Variants in SH3BP5 observed in about 807,000 individuals in gnomAD.
SH3BP5 encodes the protein SH3 domain-binding protein 5.
In SH3BP5, 22 loss-of-function variants were observed where a neutral mutation model predicts 43.3. The observed-to-expected ratio is 0.51, with a 90% CI of 0.36 to 0.73. The LOEUF is 0.73. SH3BP5 is among the 30% of genes least tolerant of loss of function. The pLI is 0.00. For synonymous variants in SH3BP5, 255 were observed against 225.8 expected (o/e 1.13, Z -1.16); for missense variants, 529 against 586.9 (o/e 0.90, Z 1.02).
At chr3:15,256,830 G>T (rs781150199) in intron 8 of SH3BP5, 23 bp downstream of exon 8, 4 of 1,588,860 alleles carry the variant, frequency 2.5e-6, no homozygotes, top group South Asian at 2.3e-5. Flanking sequence ...CATCTGGGAC[G>T]GGGTGAGAAG....
At position 15,256,063 on chromosome 3, in the gene SH3BP5, C is replaced by A. The variant is rs140402906; in HGVS notation, c.*23G>T. On this transcript the variant is annotated 3_prime_UTR_variant, in exon 9 of 9. Coordinates refer to ENST00000383791, the MANE Select transcript of SH3BP5 (RefSeq NM_004844.5). ...TTCCATGTATAAATGTTGATATGCA[C>A]ATCGGCCAGGGCCCAGGATGAATCA... 1 of 1,571,870 alleles carries A rather than the reference C, an allele frequency of 6.4e-7. No individual in the cohort carries two copies. The highest frequency in any genetic ancestry group is 8.7e-7 in the Non-Finnish European group (1 of 1,145,160).
Position 15,259,029 on chromosome 3 carries a change from C to T in SH3BP5, c.691G>A (p.Asp231Asn), listed in dbSNP as rs1451749536. 6.2e-7 allele frequency: 1 copy of T among 1,614,184 alleles called. No homozygotes were observed. Among genetic ancestry groups the T allele is most frequent in the East Asian group, 2.2e-5 (1 of 44,886 alleles). ...GCCAGGGTCAGTTTGGCCTGCAGGT[C>T]ATCCACAGTCTTTTTCAGTTGCTGA... ...QLEQLKKTVD[D>N]LQAKLTLAKG... The change falls in exon 7 of 9, where the codon GAC (aspartate) becomes AAC (asparagine). Residue 231 changes from aspartate (D) to asparagine (N), a missense_variant. By Grantham distance (23) the Asp-to-Asn change is conservative (BLOSUM62 1). Around this residue, in one of 3 missense-constraint regions of SH3BP5, gnomAD observed 369 missense variants for 384.3 expected, o/e 0.96. Coordinates refer to ENST00000383791, the MANE Select transcript of SH3BP5 (RefSeq NM_004844.5).
rs199993686 is a variant in SH3BP5 at position 15,304,213 on chromosome 3, G to A, written c.220C>T (p.Arg74Cys). ...ACCGTTGCTTCAACCAGAACAGAGC[G>A]GAACTTCTGACGAGCATCCTGCAGC... ...TELEDARQKF[R>C]SVLVEATVKL... The change falls in exon 3 of 9, where the codon CGC becomes TGC. Residue 74 changes from arginine to cysteine, a missense_variant. By Grantham distance (180) the Arg-to-Cys change is radical. Coordinates refer to ENST00000383791, the MANE Select transcript of SH3BP5 (RefSeq NM_004844.5). 4 of 1,614,154 alleles carry A rather than the reference G, an allele frequency of 2.5e-6. No individual in the cohort carries two copies. Among genetic ancestry groups the A allele is most frequent in the Non-Finnish European group, 3.4e-6 (4 of 1,180,026 alleles).
chr3:15,286,586 C>T (rs970454014), intron 3 of SH3BP5, among the ~76,000 whole-genome samples: 4 of 152,196 alleles, frequency 2.6e-5, no homozygotes, highest in East Asian at 3.8e-4. Context: ...CTCACTCTGT[C>T]GCCCAGGCTA....
upstream of SH3BP5, among the ~76,000 whole-genome samples, chr3:15,334,923 G>A (rs1189755232): frequency 2.0e-5 from 3 of 151,782 alleles, no homozygotes; most frequent in Non-Finnish European, 4.4e-5. Context: ...CTGCCCCCCA[G>A]CTTAGGTGAC....
At chr3:15,322,214 T>A (rs907850963) in intron 2 of SH3BP5, among the ~76,000 whole-genome samples, 5 of 150,014 alleles carry the variant, frequency 3.3e-5, no homozygotes, top group East Asian at 3.9e-4. Context: ...AAAAAAAAAA[T>A]AATAACTATG....
At chr3:15,290,412 G>T (rs1246862425) in intron 3 of SH3BP5, among the ~76,000 whole-genome samples, 1 of 151,632 alleles carries the variant, frequency 6.6e-6, no homozygotes, top group Non-Finnish European at 1.5e-5. Flanking sequence ...TGTAATCCCA[G>T]CTACTTGGGA....
chr3:15,301,705 A>G (rs1697758202), intron 3 of SH3BP5, among the ~76,000 whole-genome samples: 1 of 152,084 alleles, frequency 6.6e-6, no homozygotes, highest in Non-Finnish European at 1.5e-5. Flanking sequence ...ACAGAGGGAC[A>G]CCACCAAACA....
chr3:15,273,091 C>A (rs1696863838), intron 3 of SH3BP5: 3 of 981,156 alleles, frequency 3.1e-6, no homozygotes, highest in Non-Finnish European at 3.6e-6. Flanking sequence ...CACTCCACCC[C>A]CTACCCATAG....
At chr3:15,328,767 G>C (rs148428058) in intron 2 of SH3BP5, among the ~76,000 whole-genome samples, 44 of 152,252 alleles carry the variant, frequency 2.9e-4, no homozygotes, top group African/African-American at 9.9e-4. Flanking sequence ...TATAAGATGG[G>C]AGCCCTGCCT....
intron 3 of SH3BP5, among the ~76,000 whole-genome samples, chr3:15,303,409 C>T (rs144813148): frequency 6.6e-6 from 1 of 152,318 alleles, no homozygotes; most frequent in Non-Finnish European, 1.5e-5. Context: ...TTACCTTCCC[C>T]ATTCACAGGG....
chr3:15,268,065 G>A (rs1696691724), intron 4 of SH3BP5, among the ~76,000 whole-genome samples: 1 of 152,064 alleles, frequency 6.6e-6, no homozygotes, highest in Non-Finnish European at 1.5e-5. Context: ...TTCTCGAGAT[G>A]ACCCAGAAAA....
At chr3:15,293,803 C>T (rs756892635) in intron 3 of SH3BP5, among the ~76,000 whole-genome samples, 1 of 152,086 alleles carries the variant, frequency 6.6e-6, no homozygotes, top group African/African-American at 2.4e-5. Flanking sequence ...GCAGGCCGGA[C>T]GCAGTGGCTC....
chr3:15,307,807 T>C (rs1697951752), intron 2 of SH3BP5, among the ~76,000 whole-genome samples: 3 of 152,242 alleles, frequency 2.0e-5, no homozygotes, highest in African/African-American at 4.8e-5. Context: ...CCAGTGCCAG[T>C]GCTGTCCACA....
At chr3:15,320,575 G>C (rs1180122318) in intron 2 of SH3BP5, among the ~76,000 whole-genome samples, 2 of 130,544 alleles carry the variant, frequency 1.5e-5, no homozygotes, top group African/African-American at 5.5e-5. Flanking sequence ...AAAGGATGAG[G>C]TTCAATAGAG....
At chr3:15,287,172 A>C (rs1275506233) in intron 3 of SH3BP5, among the ~76,000 whole-genome samples, 2 of 152,258 alleles carry the variant, frequency 1.3e-5, no homozygotes, top group East Asian at 3.8e-4. Flanking sequence ...GAGAAAAGGC[A>C]CGCAGTAAGC....
chr3:15,312,885 C>T (rs1698094156), intron 2 of SH3BP5, among the ~76,000 whole-genome samples: 1 of 152,094 alleles, frequency 6.6e-6, no homozygotes, highest in Non-Finnish European at 1.5e-5. Flanking sequence ...TTAAAAAAAA[C>T]ACCTGCTTAA....
At chr3:15,275,563 G>C (rs1696939023) in intron 3 of SH3BP5, 1 of 152,256 alleles carries the variant, frequency 6.6e-6, no homozygotes, top group African/African-American at 2.4e-5. Flanking sequence ...AACCCAATGA[G>C]CCAGCGGAAG....
chr3:15,272,561 A>ACCTCAGATC (rs1559432648), intron 3 of SH3BP5, among the ~76,000 whole-genome samples: 4 of 125,604 alleles, frequency 3.2e-5, no homozygotes, highest in East Asian at 2.3e-4. Context: ...CCTGTAGGAT[A>ACCTCAGATC]AAGACATTAC....
Sources: gnomAD v4.1 joint callset for allele counts (sites outside exome capture counted in the v4.1 genomes callset) on GRCh38, gnomAD v4.1.1 for gene constraint, gnomAD v4.1.1 regional missense constraint, MANE v1.5 for transcripts, NCBI Gene and HGNC (gene_info 2026-07-23, HGNC 2026-07-21) for gene names.